ZNF320: variants seen among roughly 807,000 people sequenced by gnomAD.
ZNF320 encodes the protein zinc finger gene 320.
ZNF320 carries 2 observed loss-of-function variants against 6.8 expected under a neutral mutation model. That is an observed-to-expected ratio of 0.29 (90% CI 0.12 to 0.93). The LOEUF is 0.93. ZNF320 is among the 40% of genes least tolerant of loss of function. The probability of loss-of-function intolerance (pLI) is 0.55; values close to 1 mark genes in which losing one functional copy is unlikely to be tolerated. For missense variants in ZNF320, 472 were observed against 611.0 expected, an observed-to-expected ratio of 0.77 and a Z score of 2.40; for synonymous variants, 208 against 203.2, an observed-to-expected ratio of 1.02 and a Z score of -0.20.
chr19:52,889,877 A>C (rs1250494437), intron 4 of ZNF320, among the ~76,000 whole-genome samples: 14 of 152,060 alleles, frequency 9.2e-5, no homozygotes, highest in Non-Finnish European at 7.4e-5. Context: ...TTAATATGTG[A>C]CTTCCATTGG....
chr19:52,862,303 CA>C (rs34650918), exon 6 of ZNF320: 159,909 of 576,722 alleles, frequency 0.28, 24,039 homozygotes, highest in African/African-American at 0.4. Flanking sequence ...GTATGTCCTG[CA>C]AGGTGTGAAT....
intron 5 of ZNF320, among the ~76,000 whole-genome samples, chr19:52,870,038 G>C (rs996139534): frequency 1.3e-5 from 2 of 150,402 alleles, no homozygotes; most frequent in African/African-American, 4.9e-5. Flanking sequence ...TTTTAGTAGA[G>C]ACAGGGTTTC....
chr19:52,880,830 C>T lies in ZNF320; in HGVS notation c.1296G>A (p.Arg432=), dbSNP rs1387954453. 1 of 1,613,844 alleles carries T rather than the reference C, an allele frequency of 6.2e-7. No homozygotes were observed. Among genetic ancestry groups the T allele is most frequent in the Non-Finnish European group, 8.5e-7 (1 of 1,179,876 alleles). The change falls in exon 6 of 6, where the codon AGG becomes AGA. Residue 432 remains arginine, a synonymous_variant. Coordinates refer to ENST00000682928, the MANE Select transcript of ZNF320 (RefSeq NM_001351774.2). ...YIRKSHLERH[R]RIHTGEKPHK... ...GAGGTTTCTCTCCTGTATGAATCCT[C>T]CTATGTCTTTCAAGGTGTGATTTGC...
At chr19:52,901,398 C>T (rs926275106), upstream of ZNF320, among the ~76,000 whole-genome samples, 4 of 152,138 alleles carry the variant, frequency 2.6e-5, no homozygotes, top group Non-Finnish European at 4.4e-5. Context: ...TTCAGTCGTG[C>T]GTGGACCAGT....
At chr19:52,872,324 C>T (rs528932465), downstream of ZNF320, among the ~76,000 whole-genome samples, 1 of 152,298 alleles carries the variant, frequency 6.6e-6, no homozygotes, top group South Asian at 2.1e-4. Flanking sequence ...TATTAATGTA[C>T]TGAAGGGGGC....
intron 1 of ZNF320, among the ~76,000 whole-genome samples, chr19:52,896,488 C>A (rs1278698649): frequency 6.6e-6 from 1 of 152,060 alleles, no homozygotes; most frequent in African/African-American, 2.4e-5. Context: ...ACAGCTGGAT[C>A]GCTTGAGCCC....
chr19:52,862,045 G>A, exon 6 of ZNF320: 1 of 378,690 alleles, frequency 2.6e-6, no homozygotes. Context: ...CTGATGAACT[G>A]CAAGTTATGA....
At chr19:52,873,033 C>T (rs2063707751), downstream of ZNF320, among the ~76,000 whole-genome samples, 1 of 152,206 alleles carries the variant, frequency 6.6e-6, no homozygotes, top group Non-Finnish European at 1.5e-5. Context: ...GCCAGCATGT[C>T]TCACCTCCAG....
At chr19:52,886,576 T>C (rs2064085923) in intron 5 of ZNF320, among the ~76,000 whole-genome samples, 1 of 152,238 alleles carries the variant, frequency 6.6e-6, no homozygotes, top group East Asian at 1.9e-4. Flanking sequence ...GTGGTTGTTA[T>C]ATTCACACTG....
At chr19:52,866,467 C>G (rs556628987) in intron 5 of ZNF320, among the ~76,000 whole-genome samples, 2 of 151,918 alleles carry the variant, frequency 1.3e-5, no homozygotes, top group Non-Finnish European at 2.9e-5. Context: ...AGGACTCACA[C>G]GTCTTCATTC....
At chr19:52,860,793 C>A (rs997087797), downstream of ZNF320, among the ~76,000 whole-genome samples, 1 of 152,080 alleles carries the variant, frequency 6.6e-6, no homozygotes, top group African/African-American at 2.4e-5. Context: ...ATCTTAAGAT[C>A]ATGACTCATG....
chr19:52,885,195 G>A (rs2064036635), intron 5 of ZNF320, among the ~76,000 whole-genome samples: 1 of 151,916 alleles, frequency 6.6e-6, no homozygotes, highest in South Asian at 2.1e-4. Context: ...GACTGAGACT[G>A]TGTCTCAAAG....
rs556810004 is a variant in ZNF320 at position 52,862,628 on chromosome 19, G to A, written c.*1401C>T. 31 of 528,738 alleles carry A rather than the reference G, an allele frequency of 5.9e-5. 1 individual carries two copies. In the East Asian group the frequency reaches 6.2e-4, roughly 11 times the overall value. 32.8% of individuals were successfully genotyped at this position (528,738 alleles called of 1,614,324 possible). A position where few individuals can be genotyped will look rare whatever the true frequency, so the allele number is the denominator to read the frequency against. On this transcript the variant is annotated 3_prime_UTR_variant, in exon 6 of 6. Coordinates refer to the ZNF320 transcript ENST00000673631. ...ATGGATTGCTTGATGGTGAATAGGC[G>A]ATGCCCTCACCCTAAAGGCTTTGCC...
chr19:52,865,473 CATATATAT>C (rs61415964), intron 5 of ZNF320: 1 of 38,874 alleles, frequency 2.6e-5, no homozygotes, highest in South Asian at 8.3e-4. Flanking sequence ...ATATATATTA[CATATATAT>C]ATAATACATA....
intron 2 of ZNF320, chr19:52,893,520 C>T (rs1343245692): frequency 1.3e-5 from 2 of 151,948 alleles, no homozygotes; most frequent in East Asian, 3.9e-4. Context: ...CTCGGCACGC[C>T]CCTGTTGTCC....
chr19:52,893,389 G>C (rs1341270691), intron 2 of ZNF320: 6 of 151,650 alleles, frequency 4.0e-5, no homozygotes, highest in African/African-American at 7.3e-5. Context: ...ATTACCTCAT[G>C]CCTGTAATCC....
At chr19:52,895,169 A>C (rs1280211373) in intron 1 of ZNF320, 1 of 152,226 alleles carries the variant, frequency 6.6e-6, no homozygotes, top group Non-Finnish European at 1.5e-5. Context: ...TAGCGTAAAG[A>C]AGAAAGGTCC....
Position 52,881,230 on chromosome 19 carries a change from T to C in ZNF320, c.896A>G (p.Lys299Arg). 1 of 1,614,166 alleles carries C rather than the reference T, an allele frequency of 6.2e-7. No individual in the cohort carries two copies. Among genetic ancestry groups the C allele is most frequent in the Non-Finnish European group, 8.5e-7 (1 of 1,180,032 alleles). ...VIHKAVHTAE[K>R]PYKCNECGKV... ...GCCACATTCATTACACTTATAGGGT[T>C]TCTCTGCAGTATGAACTGCCTTATG... Residue 299 changes from lysine (K) to arginine (R), a missense_variant, in exon 6 of 6, where the codon AAA (lysine) becomes AGA (arginine). Coordinates refer to ENST00000682928, the MANE Select transcript of ZNF320 (RefSeq NM_001351774.2).
At chr19:52,863,327 G>A (rs898395244) in exon 6 of ZNF320, among the ~76,000 whole-genome samples, 1 of 152,172 alleles carries the variant, frequency 6.6e-6, no homozygotes, top group Non-Finnish European at 1.5e-5. Context: ...GGTCGGGCAT[G>A]GTGGTTCACA....
Sources: gnomAD v4.1 joint callset for allele counts (sites outside exome capture counted in the v4.1 genomes callset) on GRCh38, gnomAD v4.1.1 for gene constraint, MANE v1.5 for transcripts, NCBI Gene and HGNC (gene_info 2026-07-23, HGNC 2026-07-21) for gene names.